Variants in SPIN1 observed in about 807,000 individuals in gnomAD.
SPIN1 encodes spindlin-1.
In SPIN1, 3 loss-of-function variants were observed where a neutral mutation model predicts 26.0. The observed-to-expected ratio is 0.12, with a 90% CI of 0.05 to 0.30. The LOEUF is 0.30. Ranked by LOEUF, SPIN1 falls within the 10% of genes least tolerant of loss-of-function variation. The pLI, the probability that SPIN1 is intolerant of heterozygous loss-of-function variation, is 1.00. For synonymous variants in SPIN1, 101 were observed against 116.5 expected, an observed-to-expected ratio of 0.87 and a Z score of 0.86; for missense variants, 126 against 333.4, an observed-to-expected ratio of 0.38 and a Z score of 4.84.
chr9:88,457,114 G>A (rs1828487768), intron 3 of SPIN1, among the ~76,000 whole-genome samples: 1 of 152,160 alleles, frequency 6.6e-6, no homozygotes, highest in African/African-American at 2.4e-5. Context: ...TTCAAAAGCG[G>A]GTGGAGGAGG....
chr9:88,463,592 G>A (rs564107077), intron 4 of SPIN1, among the ~76,000 whole-genome samples: 8 of 152,268 alleles, frequency 5.3e-5, no homozygotes, highest in African/African-American at 1.9e-4. Flanking sequence ...TCTTCAGACT[G>A]TGCCATTGTG....
chr9:88,393,044 A>C (rs2117861411), intron 1 of SPIN1, among the ~76,000 whole-genome samples: 1 of 151,828 alleles, frequency 6.6e-6, no homozygotes, highest in East Asian at 1.9e-4. Flanking sequence ...TAATCTCCAG[A>C]GTCTAGCCTG....
chr9:88,475,370 T>G lies in SPIN1; in HGVS notation c.*93T>G, dbSNP rs1306115936. 3.0e-6 allele frequency: 4 copies of G among 1,311,966 alleles called. No individual in the cohort carries two copies. Among genetic ancestry groups the G allele is most frequent in the East Asian group, 2.4e-5 (1 of 41,222 alleles). 81.3% of individuals were successfully genotyped at this position (1,311,966 alleles called of 1,614,324 possible). A position where few individuals can be genotyped will look rare whatever the true frequency, so the allele number is the denominator to read the frequency against. On this transcript the variant is annotated 3_prime_UTR_variant, in exon 6 of 6. Transcript: ENST00000375859. ...ATTGCTTTCCAGTTTAATGAAAGCT[T>G]AAATGTCCCTGCGAACCCACAATCT...
chr9:88,462,873 A>G (rs1828598047), intron 4 of SPIN1, 124 bp downstream of exon 4: 18 of 1,173,508 alleles, frequency 1.5e-5, no homozygotes, highest in Non-Finnish European at 2.0e-5. Flanking sequence ...CTTGATAAAC[A>G]TTATATTAAA....
chr9:88,407,254 A>C (rs1827330259), intron 1 of SPIN1, among the ~76,000 whole-genome samples: 2 of 151,698 alleles, frequency 1.3e-5, no homozygotes, highest in African/African-American at 4.8e-5. Flanking sequence ...CTCCTGCCTC[A>C]GCCTCCCGAA....
intron 5 of SPIN1, among the ~76,000 whole-genome samples, chr9:88,471,548 G>A (rs1828785477): frequency 6.6e-6 from 1 of 150,920 alleles, no homozygotes. Flanking sequence ...CCAGCTACTC[G>A]GGAGGCTGAG....
At chr9:88,409,389 G>C (rs1266795747) in intron 1 of SPIN1, among the ~76,000 whole-genome samples, 1 of 151,938 alleles carries the variant, frequency 6.6e-6, no homozygotes, top group East Asian at 1.9e-4. Flanking sequence ...TGCACATCTA[G>C]TAGATCACAT....
chr9:88,457,939 T>G (rs753958118), intron 3 of SPIN1: 2 of 985,358 alleles, frequency 2.0e-6, no homozygotes, highest in Non-Finnish European at 2.4e-6. Context: ...AGTCTACATT[T>G]CAGCAATGCA....
chr9:88,461,797 G>C (rs1234073866), intron 3 of SPIN1, among the ~76,000 whole-genome samples: 1 of 152,122 alleles, frequency 6.6e-6, no homozygotes, highest in Non-Finnish European at 1.5e-5. Flanking sequence ...TAAACATTCT[G>C]TGTGGATTTT....
intron 3 of SPIN1, among the ~76,000 whole-genome samples, chr9:88,459,919 T>G (rs1432546064): frequency 6.6e-6 from 1 of 152,230 alleles, no homozygotes; most frequent in African/African-American, 2.4e-5. Context: ...CTTAAGTTTA[T>G]TACTCTGTTG....
chr9:88,441,738 A>G (rs1828134402), intron 2 of SPIN1, among the ~76,000 whole-genome samples: 3 of 151,232 alleles, frequency 2.0e-5, no homozygotes, highest in African/African-American at 7.3e-5. Flanking sequence ...CCTGGGCCAC[A>G]GAGTGAGACC....
At chr9:88,404,172 T>G (rs558882541) in intron 1 of SPIN1, among the ~76,000 whole-genome samples, 1 of 152,202 alleles carries the variant, frequency 6.6e-6, no homozygotes, top group African/African-American at 2.4e-5. Context: ...ATTAGGGCAC[T>G]TACCATGAAT....
intron 3 of SPIN1, among the ~76,000 whole-genome samples, chr9:88,449,824 A>AT (rs2118137735): frequency 6.6e-6 from 1 of 152,132 alleles, no homozygotes; most frequent in East Asian, 1.9e-4. Context: ...ATCGTGAGGC[A>AT]CTCTTAAGAA....
At chr9:88,391,738 G>A (rs1826924037) in intron 1 of SPIN1, 1 of 152,226 alleles carries the variant, frequency 6.6e-6, no homozygotes, top group South Asian at 2.1e-4. Context: ...TCTCTGAGCA[G>A]AAGAGAGGCC....
chr9:88,434,594 C>G (rs975609203), intron 2 of SPIN1, among the ~76,000 whole-genome samples: 1 of 152,004 alleles, frequency 6.6e-6, no homozygotes, highest in African/African-American at 2.4e-5. Flanking sequence ...TCTTTTTCTG[C>G]TTAACAATGT....
intron 2 of SPIN1, among the ~76,000 whole-genome samples, chr9:88,426,841 T>C (rs1827773327): frequency 6.6e-6 from 1 of 152,166 alleles, no homozygotes; most frequent in Non-Finnish European, 1.5e-5. Flanking sequence ...ATTGTAAATA[T>C]CTGTTAATAG....
At chr9:88,408,909 G>A (rs1408087930) in intron 1 of SPIN1, among the ~76,000 whole-genome samples, 1 of 151,878 alleles carries the variant, frequency 6.6e-6, no homozygotes, top group Middle Eastern at 3.4e-3. Context: ...TGATCCGCCC[G>A]CCTGGGCCTC....
At chr9:88,435,736 C>T in intron 2 of SPIN1, among the ~76,000 whole-genome samples, 1 of 152,136 alleles carries the variant, frequency 6.6e-6, no homozygotes, top group African/African-American at 2.4e-5. Context: ...TACCTTCTTA[C>T]ACTTCTGTTG....
chr9:88,438,922 T>G (rs1045868392), intron 2 of SPIN1, among the ~76,000 whole-genome samples: 6 of 152,140 alleles, frequency 3.9e-5, no homozygotes, highest in African/African-American at 1.2e-4. Context: ...ATTTATATGA[T>G]CGAAGAGAGA....
Sources: allele counts gnomAD v4.1 joint callset (sites outside exome capture counted in the v4.1 genomes callset), GRCh38; gene constraint gnomAD v4.1.1; transcripts MANE v1.5; gene names NCBI Gene and HGNC (gene_info 2026-07-23, HGNC 2026-07-21).